ADGRL3: variants seen among roughly 807,000 people sequenced by gnomAD.
ADGRL3 encodes calcium-independent alpha-latrotoxin receptor 3.
ADGRL3 carries 62 observed loss-of-function variants against 153.5 expected under a neutral mutation model. The ratio of observed to expected loss-of-function variants is 0.40; its 90% CI spans 0.33 to 0.50. The LOEUF is 0.50. Among genes scored for constraint, ADGRL3 ranks in the 20% least tolerant of loss-of-function variants. The pLI, the probability that ADGRL3 is intolerant of heterozygous loss-of-function variation, is 0.47. For missense variants in ADGRL3, 1,641 were observed against 1,859.4 expected (o/e 0.88, Z 2.16); for synonymous variants, 710 against 672.5 (o/e 1.06, Z -0.86).
intron 6 of ADGRL3, among the ~76,000 whole-genome samples, chr4:61,726,499 T>A (rs2096349491): frequency 6.6e-6 from 1 of 152,104 alleles, no homozygotes; most frequent in South Asian, 2.1e-4. Context: ...ACGCCCAGCC[T>A]GGAACATTTT....
At chr4:61,485,782 A>G (rs1413185941) in intron 2 of ADGRL3, among the ~76,000 whole-genome samples, 2 of 152,194 alleles carry the variant, frequency 1.3e-5, no homozygotes, top group East Asian at 1.9e-4. Flanking sequence ...AGAAACTGTC[A>G]TTGTTTTCAG....
chr4:61,370,033 T>C (rs1451303737), intron 1 of ADGRL3, among the ~76,000 whole-genome samples: 2 of 152,116 alleles, frequency 1.3e-5, no homozygotes, highest in African/African-American at 4.8e-5. Context: ...GTTTGTAGTA[T>C]TCTCTGATGG....
At position 61,541,842 on chromosome 4, in the gene ADGRL3, TACACACACACAC is replaced by T. The variant is rs3075148; in HGVS notation, c.259+24347_259+24358del. Among the ~76,000 whole-genome samples, 6 of 146,570 alleles carry T rather than the reference TACACACACACAC, an allele frequency of 4.1e-5. No homozygotes were observed. In the South Asian group the frequency reaches 6.6e-4, roughly 16 times the overall value. ...CCTTAGATATATATGTGTGTGTGTA[TACACACACACAC>T]ACACACACACACACACACACACTAG... is the stretch of plus-strand genomic sequence containing the variant. On this transcript the variant is annotated intron_variant, in intron 4 of 26. Transcript: ENST00000683033.
chr4:61,905,071 TATAACAGGTG>T (rs781614956), intron 11 of ADGRL3, among the ~76,000 whole-genome samples: 4 of 151,930 alleles, frequency 2.6e-5, no homozygotes, highest in African/African-American at 7.3e-5. Context: ...ATTATAAGAG[TATAACAGGTG>T]AAAAATTATA....
At chr4:61,630,710 G>T (rs556523931) in intron 5 of ADGRL3, among the ~76,000 whole-genome samples, 2 of 152,164 alleles carry the variant, frequency 1.3e-5, no homozygotes, top group Non-Finnish European at 2.9e-5. Context: ...AGAATATTTG[G>T]TTAGGTTGTA....
chr4:61,440,908 A>G (rs1172293336), intron 2 of ADGRL3, among the ~76,000 whole-genome samples: 2 of 152,184 alleles, frequency 1.3e-5, no homozygotes, highest in Non-Finnish European at 2.9e-5. Context: ...TAAATATGCC[A>G]TTTGATTTCT....
At chr4:61,365,505 C>T (rs2096379168) in intron 1 of ADGRL3, among the ~76,000 whole-genome samples, 1 of 152,200 alleles carries the variant, frequency 6.6e-6, no homozygotes, top group Non-Finnish European at 1.5e-5. Context: ...TGGTGCCTCA[C>T]TTACCCTGTG....
At chr4:61,983,273 T>G (rs1342108394) in intron 18 of ADGRL3, 110 bp from the exon 19 acceptor site, 1 of 704,486 alleles carries the variant, frequency 1.4e-6, no homozygotes, top group Non-Finnish European at 2.4e-6. Context: ...GTTATTATTT[T>G]GCAGATCTAT....
rs1044615498 is a variant in ADGRL3, at chr4:61,977,314, C to T, written c.2806-2249C>T. ...CATTATGAAAGACTGCTGTGCTAAACGTTGGTGCTTGATTCTCAATCGCAG... is the reference window on the plus strand; with the variant it reads ...CATTATGAAAGACTGCTGTGCTAAATGTTGGTGCTTGATTCTCAATCGCAG... On this transcript the variant is annotated intron_variant, in intron 17 of 26. Coordinates refer to ENST00000683033, the MANE Select transcript of ADGRL3 (RefSeq NM_001387552.1). 2.6e-5 allele frequency among the ~76,000 whole-genome samples: 4 copies of T among 150,998 alleles called. No homozygotes were observed. In the Admixed American group the frequency reaches 2.6e-4, roughly 10 times the overall value.
intron 1 of ADGRL3, among the ~76,000 whole-genome samples, chr4:61,219,805 C>A (rs1744550475): frequency 6.6e-6 from 1 of 152,054 alleles, no homozygotes. Context: ...TGTTTCAAAC[C>A]TCTGAAAATA....
At chr4:61,437,817 C>T (rs975545317) in intron 2 of ADGRL3, among the ~76,000 whole-genome samples, 4 of 152,018 alleles carry the variant, frequency 2.6e-5, no homozygotes, top group African/African-American at 9.7e-5. Context: ...TGTTGTTTTC[C>T]CTGCCTTGGA....
intron 1 of ADGRL3, among the ~76,000 whole-genome samples, chr4:61,356,453 G>T (rs183708966): frequency 6.6e-6 from 1 of 151,450 alleles, no homozygotes; most frequent in Non-Finnish European, 1.5e-5. Context: ...TCTCCTCAAA[G>T]AGAAAAAAAA....
At chr4:61,498,364 C>A (rs984377036) in intron 3 of ADGRL3, among the ~76,000 whole-genome samples, 3 of 152,170 alleles carry the variant, frequency 2.0e-5, no homozygotes, top group Admixed American at 1.3e-4. Flanking sequence ...TCCTGGCTAA[C>A]ACCGTGAAAC....
intron 9 of ADGRL3, among the ~76,000 whole-genome samples, chr4:61,891,569 A>G (rs1255387339): frequency 6.6e-6 from 1 of 152,200 alleles, no homozygotes; most frequent in African/African-American, 2.4e-5. Flanking sequence ...ATACATTGTG[A>G]ATGAACCTGG....
At chr4:61,329,622 G>A (rs1363646602) in intron 1 of ADGRL3, among the ~76,000 whole-genome samples, 1 of 152,082 alleles carries the variant, frequency 6.6e-6, no homozygotes, top group East Asian at 1.9e-4. Context: ...TTTCTGTGGT[G>A]TGCACATATA....
intron 1 of ADGRL3, among the ~76,000 whole-genome samples, chr4:61,372,219 T>G (rs536975587): frequency 2.6e-5 from 4 of 152,200 alleles, no homozygotes; most frequent in African/African-American, 9.7e-5. Flanking sequence ...TGAAGCCTTC[T>G]TCTCTCAGCT....
At chr4:61,536,620 C>G (rs1365193926) in intron 4 of ADGRL3, among the ~76,000 whole-genome samples, 1 of 151,808 alleles carries the variant, frequency 6.6e-6, no homozygotes, top group African/African-American at 2.4e-5. Flanking sequence ...TGCATTGAAC[C>G]CTTTATCATT....
chr4:61,738,153 C>T (rs548645042), intron 8 of ADGRL3, among the ~76,000 whole-genome samples: 1 of 152,216 alleles, frequency 6.6e-6, no homozygotes, highest in South Asian at 2.1e-4. Flanking sequence ...AGCTTAGCTC[C>T]CACTTGTGAG....
chr4:61,280,251 A>G (rs538586047), intron 1 of ADGRL3, among the ~76,000 whole-genome samples: 21 of 151,448 alleles, frequency 1.4e-4, no homozygotes, highest in Non-Finnish European at 2.5e-4. Context: ...CTGGGACTAC[A>G]GGAGCACGCC....
Sources: gnomAD v4.1 joint callset for allele counts (sites outside exome capture counted in the v4.1 genomes callset) on GRCh38, gnomAD v4.1.1 for gene constraint, MANE v1.5 for transcripts, NCBI Gene and HGNC (gene_info 2026-07-23, HGNC 2026-07-21) for gene names.